Variants in C14orf39 observed in about 807,000 individuals in gnomAD.
C14orf39 encodes the protein chromosome 14 open reading frame 39.
In C14orf39, 66 loss-of-function variants were observed where a neutral mutation model predicts 85.6. That is an observed-to-expected ratio of 0.77 (90% CI 0.63 to 0.95). C14orf39 has a LOEUF of 0.95. Among genes scored for constraint, C14orf39 ranks in the 40% least tolerant of loss-of-function variants. The pLI, the probability that C14orf39 is intolerant of heterozygous loss-of-function variation, is 0.00. For synonymous variants in C14orf39, 242 were observed against 214.0 expected, an observed-to-expected ratio of 1.13 and a Z score of -1.14; for missense variants, 735 against 663.9, an observed-to-expected ratio of 1.11 and a Z score of -1.18.
intron 17 of C14orf39, among the ~76,000 whole-genome samples, chr14:60,437,290 C>G (rs941068941): frequency 3.3e-5 from 5 of 151,740 alleles, no homozygotes; most frequent in African/African-American, 1.2e-4. Flanking sequence ...ATATAAAGAA[C>G]TAGTATAAAA....
At chr14:60,506,080 C>A (rs1893199834) in intron 1 of C14orf39, among the ~76,000 whole-genome samples, 1 of 152,150 alleles carries the variant, frequency 6.6e-6, no homozygotes. Context: ...ATTTGCCCCA[C>A]AAAATGCAAC....
chr14:60,492,292 C>A (rs1221212121), intron 2 of C14orf39, among the ~76,000 whole-genome samples: 2 of 152,114 alleles, frequency 1.3e-5, no homozygotes, highest in Non-Finnish European at 2.9e-5. Flanking sequence ...ACCATTAGAG[C>A]ATTGTTTCAT....
chr14:60,478,257 A>G, intron 5 of C14orf39, 43 bp downstream of exon 5: 1 of 991,598 alleles, frequency 1.0e-6, no homozygotes, highest in Non-Finnish European at 1.4e-6. Context: ...TGTCCTAATA[A>G]TACAAACTTA....
chr14:60,505,260 T>C (rs748631351), intron 1 of C14orf39, among the ~76,000 whole-genome samples: 3 of 152,206 alleles, frequency 2.0e-5, no homozygotes, highest in Non-Finnish European at 2.9e-5. Context: ...TTTATTAGTA[T>C]AGTTAGTAGT....
At chr14:60,467,176 A>G (rs1891836531) in intron 9 of C14orf39, 132 bp from the exon 10 acceptor site, 1 of 379,224 alleles carries the variant, frequency 2.6e-6, no homozygotes, top group Admixed American at 4.9e-5. Flanking sequence ...GTTCCAAAGA[A>G]TTTAATAGAC....
At chr14:60,482,252 C>T (rs1892675937) in intron 4 of C14orf39, among the ~76,000 whole-genome samples, 1 of 152,124 alleles carries the variant, frequency 6.6e-6, no homozygotes, top group Non-Finnish European at 1.5e-5. Context: ...CCCAATGCAG[C>T]TAATTGAGGA....
chr14:60,438,848 C>A (rs780942503), intron 17 of C14orf39, among the ~76,000 whole-genome samples: 1 of 151,984 alleles, frequency 6.6e-6, no homozygotes, highest in African/African-American at 2.4e-5. Flanking sequence ...ACACTGAGTT[C>A]CAGAGTCTGG....
At chr14:60,461,318 C>T (rs555755057) in intron 13 of C14orf39, 36 bp downstream of exon 13, 1 of 1,567,876 alleles carries the variant, frequency 6.4e-7, no homozygotes, top group Non-Finnish European at 8.7e-7. Flanking sequence ...ATTTGTTACC[C>T]CGACTTCTTA....
intron 4 of C14orf39, among the ~76,000 whole-genome samples, chr14:60,480,416 G>A (rs911156670): frequency 6.6e-6 from 1 of 152,078 alleles, no homozygotes; most frequent in South Asian, 2.1e-4. Flanking sequence ...TGACAAGAGT[G>A]AAACTCCATC....
At chr14:60,446,137 A>G (rs1375470497) in intron 16 of C14orf39, among the ~76,000 whole-genome samples, 1 of 152,218 alleles carries the variant, frequency 6.6e-6, no homozygotes, top group African/African-American at 2.4e-5. Flanking sequence ...ACACCCTAAC[A>G]TCAAAATTAA....
chr14:60,483,197 T>C (rs1201423266), intron 4 of C14orf39, among the ~76,000 whole-genome samples: 1 of 152,180 alleles, frequency 6.6e-6, no homozygotes, highest in Non-Finnish European at 1.5e-5. Flanking sequence ...CTTACTACAA[T>C]GTCCATATAA....
intron 4 of C14orf39, among the ~76,000 whole-genome samples, chr14:60,483,032 T>C (rs1892714906): frequency 6.6e-6 from 1 of 152,070 alleles, no homozygotes; most frequent in African/African-American, 2.4e-5. Flanking sequence ...GCACCATATA[T>C]GTGTATATTG....
chr14:60,475,460 T>G (rs930995076), intron 5 of C14orf39, among the ~76,000 whole-genome samples: 2 of 152,200 alleles, frequency 1.3e-5, no homozygotes, highest in African/African-American at 4.8e-5. Flanking sequence ...CACCTATTTT[T>G]GTACAGCCCA....
At chr14:60,487,567 T>C (rs573033378), upstream of C14orf39, among the ~76,000 whole-genome samples, 2 of 152,214 alleles carry the variant, frequency 1.3e-5, no homozygotes, top group East Asian at 3.9e-4. Flanking sequence ...TCTTGGCTAT[T>C]GTGAATAATG....
intron 1 of C14orf39, chr14:60,511,023 G>A: frequency 1.3e-6 from 2 of 1,551,198 alleles, no homozygotes; most frequent in East Asian, 2.3e-5. Flanking sequence ...GGAGGTGGTG[G>A]GGGCGGGCGA....
At chr14:60,452,642 A>T (rs915401562) in intron 16 of C14orf39, among the ~76,000 whole-genome samples, 1 of 152,138 alleles carries the variant, frequency 6.6e-6, no homozygotes, top group Non-Finnish European at 1.5e-5. Context: ...AAAATAACTA[A>T]AAGTATAACT....
intron 11 of C14orf39, 106 bp downstream of exon 11, chr14:60,465,851 AACACACACACACACACACACAC>A (rs10529202): frequency 0.77 from 320,448 of 414,734 alleles, 119,072 homozygotes; most frequent in Admixed American, 0.83. Context: ...ATAAATTTAT[AACACACACACACACACACACAC>A]ACACACACAC....
intron 16 of C14orf39, among the ~76,000 whole-genome samples, chr14:60,444,417 A>G (rs993862298): frequency 1.3e-5 from 2 of 152,234 alleles, no homozygotes; most frequent in Non-Finnish European, 2.9e-5. Context: ...AAGCTTCAAT[A>G]GCCGATTCGA....
chr14:60,474,938 C>T (rs945805104), intron 5 of C14orf39, among the ~76,000 whole-genome samples: 2 of 152,144 alleles, frequency 1.3e-5, no homozygotes, highest in Non-Finnish European at 2.9e-5. Context: ...GGAGGATTCC[C>T]TCTTTTTCTA....
Sources: allele counts gnomAD v4.1 joint callset (sites outside exome capture counted in the v4.1 genomes callset), GRCh38; gene constraint gnomAD v4.1.1; transcripts MANE v1.5; gene names NCBI Gene and HGNC (gene_info 2026-07-23, HGNC 2026-07-21).